GNAS: variants seen among roughly 807,000 people sequenced by gnomAD.
GNAS encodes the protein GNAS complex locus, also known as protein ALEX.
A neutral mutation model predicts 54.5 loss-of-function variants in GNAS; 8 were observed. That is an observed-to-expected ratio of 0.15 (90% CI 0.09 to 0.26). The LOEUF is 0.26. Among genes scored for constraint, GNAS ranks in the 10% least tolerant of loss-of-function variants. The probability of loss-of-function intolerance (pLI) is 1.00; values close to 1 mark genes in which losing one functional copy is unlikely to be tolerated. For synonymous variants in GNAS, 204 were observed against 191.4 expected (o/e 1.07, Z -0.54); for missense variants, 170 against 529.8 (o/e 0.32, Z 6.67).
intron 1 of GNAS, chr20:58,855,523 G>C (rs1419615515): frequency 1.4e-6 from 1 of 726,130 alleles, no homozygotes; most frequent in Non-Finnish European, 2.5e-6. Flanking sequence ...ATCTTTGGTG[G>C]ATTCGGGTGG....
chr20:58,840,869 T>G lies in GNAS; in HGVS notation c.26T>G (p.Leu9Arg), dbSNP rs745570313. 2.5e-6 allele frequency: 4 copies of G among 1,612,644 alleles called. No homozygotes were observed. The highest frequency in any genetic ancestry group is 3.3e-5 in the Admixed American group (2 of 59,996). Residue 9 changes from leucine (L) to arginine (R), a missense_variant, in exon 1 of 13, where the codon CTT (leucine) becomes CGT (arginine). Leu to Arg is a moderately radical substitution (Grantham distance 102). Coordinates refer to the GNAS transcript ENST00000306090. This position sits in a 1 kb window ranked among gnomAD's most constrained non-coding sequence, Gnocchi z 6.0. ...ATGGAGGACGCCGTCCAGATTCTCCTTGTTTTCATGGATTCAGGTTAGTTG... is the reference window on the plus strand; with the variant it reads ...ATGGAGGACGCCGTCCAGATTCTCCGTGTTTTCATGGATTCAGGTTAGTTG...
chr20:58,856,067 G>A lies in GNAS; in HGVS notation c.43+15181G>A, dbSNP rs1237582254. ...AAATAAGCGGGGCCCTTGGCCTGGGGGAGCGGGGAATCGCTTTTCGCCGGC... is the reference window on the plus strand; with the variant it reads ...AAATAAGCGGGGCCCTTGGCCTGGGAGAGCGGGGAATCGCTTTTCGCCGGC... On this transcript the variant is annotated intron_variant, in intron 1 of 12. Transcript: ENST00000306090. This position sits in a 1 kb window ranked among gnomAD's most constrained non-coding sequence, Gnocchi z 4.2. The A allele has an allele frequency of 1.6e-5, 3 of 183,808 alleles. No individual in the cohort carries two copies. The highest frequency in any genetic ancestry group is 7.1e-5 in the African/African-American group (3 of 42,404). 11.4% of individuals were successfully genotyped at this position (183,808 alleles called of 1,614,324 possible).
chr20:58,902,129 CT>C (rs200792212), intron 3 of GNAS, among the ~76,000 whole-genome samples: 14,320 of 149,396 alleles, frequency 0.096, 1,511 homozygotes, highest in African/African-American at 0.26. Flanking sequence ...GACTCCCCCC[CT>C]CTTGGCCTCA....
At chr20:58,854,726 C>T (rs902506148) in intron 1 of GNAS, 9 of 1,535,482 alleles carry the variant, frequency 5.9e-6, no homozygotes, top group Non-Finnish European at 7.8e-6. Context: ...CAGCCCATGT[C>T]GCCCCAGCTG....
In GNAS at chr20:58,910,119, G is replaced by T; in HGVS notation, c.970+38G>T. The T allele has an allele frequency of 1.2e-6, 2 of 1,607,554 alleles. No homozygotes were observed. Among genetic ancestry groups the T allele is most frequent in the South Asian group, 1.1e-5 (1 of 90,882 alleles). ...TCCACTCTTGCTGGCTGTTCATTGC[G>T]GTGGTTCTTTTTCAAACGGTCAGGC... On this transcript the variant is annotated intron_variant, in intron 11 of 12. Transcript: ENST00000371085. This position sits in a 1 kb window ranked among gnomAD's most constrained non-coding sequence, Gnocchi z 5.8.
rs2091251768 is a variant in GNAS at position 58,908,878 on chromosome 20, G to A, written c.531-284G>A. The A allele has an allele frequency of 1.7e-5, 9 of 534,044 alleles. No homozygotes were observed. The South Asian group carries it at 1.8e-4, about 11-fold the overall frequency. The allele number at this position is 534,044 out of a possible 1,614,324, so 33.1% of individuals were successfully genotyped here. A position where few individuals can be genotyped will look rare whatever the true frequency, so the allele number is the denominator to read the frequency against. ...GCCCCACCACCGTGCTGTGCTGTTT[G>A]TGTGGCCCCACTGCGTCGAGGCCAC... On this transcript the variant is annotated intron_variant, in intron 6 of 12. Transcript: ENST00000371085.
chr20:58,897,015 A>G (rs1223541018), intron 2 of GNAS, among the ~76,000 whole-genome samples: 3 of 152,358 alleles, frequency 2.0e-5, no homozygotes, highest in African/African-American at 7.2e-5. Context: ...GTTAGATCAA[A>G]TAATTGTTTA....
upstream of GNAS, chr20:58,889,171 G>A (rs1352172377): frequency 2.6e-5 from 32 of 1,215,564 alleles, no homozygotes; most frequent in Non-Finnish European, 3.3e-5. Flanking sequence ...CTCCCCGGCG[G>A]GGACACTCAG....
At chr20:58,906,093 A>C (rs3787493) in intron 6 of GNAS, among the ~76,000 whole-genome samples, 1 of 152,050 alleles carries the variant, frequency 6.6e-6, no homozygotes, top group Non-Finnish European at 1.5e-5. Context: ...TAAGTGGTCA[A>C]TGGATTTTAA....
chr20:58,849,344 A>G (rs1490674790), intron 1 of GNAS, among the ~76,000 whole-genome samples: 1 of 151,830 alleles, frequency 6.6e-6, no homozygotes, highest in Non-Finnish European at 1.5e-5. Flanking sequence ...AGTCCTCCCT[A>G]CTCACTCCTG....
chr20:58,895,469 C>G (rs2089956153), intron 1 of GNAS, 143 bp from the exon 2 acceptor site: 1 of 699,188 alleles, frequency 1.4e-6, no homozygotes, highest in Admixed American at 2.0e-5. Flanking sequence ...GTCGAAATGT[C>G]AAGGAAAGTT....
chr20:58,854,400 G>A, intron 1 of GNAS: 1 of 1,566,204 alleles, frequency 6.4e-7, no homozygotes, highest in Non-Finnish European at 8.6e-7. Context: ...TCCGGGGTAC[G>A]GATCCCCTGC....
At chr20:58,880,561 A>G (rs1177887794) in intron 1 of GNAS, among the ~76,000 whole-genome samples, 2 of 152,240 alleles carry the variant, frequency 1.3e-5, no homozygotes, top group African/African-American at 2.4e-5. Context: ...TAAAAGGACA[A>G]GCGTGACAGC....
At position 58,857,909 on chromosome 20, in the gene GNAS, C is replaced by G. The variant is rs1209158889; in HGVS notation, c.43+17023C>G. Among the ~76,000 whole-genome samples, 1 of 152,190 alleles carries G rather than the reference C, an allele frequency of 6.6e-6. No individual in the cohort carries two copies. The highest frequency in any genetic ancestry group is 1.5e-5 in the Non-Finnish European group (1 of 68,038). The stretch of plus-strand genomic sequence containing the variant: ...TTCTCGGGTGCTGGTAGCCAAACAC[C>G]TTTGGATGCAGCATAGTCCAGAAGG... On this transcript the variant is annotated intron_variant, in intron 1 of 12. Transcript: ENST00000306090. The surrounding 1 kb of genome is among the most constrained non-coding windows in gnomAD (Gnocchi z 4.1).
chr20:58,839,930 T>A, upstream of GNAS: 2 of 638,970 alleles, frequency 3.1e-6, no homozygotes, highest in Non-Finnish European at 5.5e-6. Context: ...AGTTCTTAAG[T>A]GGTCAGGAAG....
chr20:58,869,765 CT>C (rs879345678), intron 1 of GNAS, among the ~76,000 whole-genome samples: 2 of 152,214 alleles, frequency 1.3e-5, no homozygotes, highest in Non-Finnish European at 2.9e-5. Flanking sequence ...CTTCTCAGTG[CT>C]TCACGGCACA....
chr20:58,876,544 C>T (rs188334235), intron 1 of GNAS: 2 of 152,128 alleles, frequency 1.3e-5, no homozygotes, highest in African/African-American at 4.8e-5. Context: ...AAGTACCCCC[C>T]CACCCAAGCA....
upstream of GNAS, chr20:58,889,253 G>C (rs1382597402): frequency 1.0e-5 from 11 of 1,082,426 alleles, no homozygotes; most frequent in African/African-American, 1.5e-4. Context: ...CTCTGGCTCC[G>C]GGCTGCGGCG....
intron 1 of GNAS, among the ~76,000 whole-genome samples, chr20:58,882,549 T>C (rs2088307259): frequency 6.6e-6 from 1 of 152,170 alleles, no homozygotes; most frequent in Admixed American, 6.5e-5. Context: ...AAACAACGAG[T>C]ACACCTGTCA....
Sources: gnomAD v4.1 joint callset for allele counts (sites outside exome capture counted in the v4.1 genomes callset) on GRCh38, gnomAD v4.1.1 for gene constraint, Gnocchi (gnomAD v3.1) non-coding constraint, MANE v1.5 for transcripts, NCBI Gene and HGNC (gene_info 2026-07-23, HGNC 2026-07-21) for gene names.